The following NDE1 variants were observed in gnomAD, a reference collection of about 807,000 sequenced individuals.
The protein encoded by NDE1 is nuclear distribution protein nudE homolog 1.
Under a neutral mutation model 43.4 loss-of-function variants are expected in NDE1, and 28 were observed. The ratio of observed to expected loss-of-function variants is 0.65; its 90% CI spans 0.48 to 0.89. The LOEUF (loss-of-function observed/expected upper bound fraction) is 0.89. NDE1 is among the 40% of genes least tolerant of loss of function. The pLI, the probability that NDE1 is intolerant of heterozygous loss-of-function variation, is 0.00. For missense variants in NDE1, 441 were observed against 434.1 expected (o/e 1.02, Z -0.14); for synonymous variants, 184 against 172.0 (o/e 1.07, Z -0.55).
At chr16:15,712,897 A>ATTTTTTTTTTTTTTTTT (rs2039897795) in intron 8 of NDE1, 1 of 43,816 alleles carries the variant, frequency 2.3e-5, no homozygotes, top group Non-Finnish European at 3.9e-5. Context: ...TTTTTTTTTG[A>ATTTTTTTTTTTTTTTTT]GACCGAGTCT....
chr16:15,720,973 C>T lies in NDE1; in HGVS notation c.948-3218C>T, dbSNP rs2151208733. 1.2e-6 allele frequency: 2 copies of T among 1,614,126 alleles called. No homozygotes were observed. Among genetic ancestry groups the T allele is most frequent in the South Asian group, 1.1e-5 (1 of 91,076 alleles). ...GCGTCCTCCGTGGCTTGCAGCTCGTCCTCCAGCTCTTCCAGCTGCGTCTTC... is the reference window on the plus strand; with the variant it reads ...GCGTCCTCCGTGGCTTGCAGCTCGTTCTCCAGCTCTTCCAGCTGCGTCTTC... On this transcript the variant is annotated intron_variant, in intron 8 of 8. Coordinates refer to ENST00000396354, the MANE Select transcript of NDE1 (RefSeq NM_017668.3).
At chr16:15,712,328 G>A (rs2039848885) in intron 8 of NDE1, among the ~76,000 whole-genome samples, 1 of 152,106 alleles carries the variant, frequency 6.6e-6, no homozygotes, top group Non-Finnish European at 1.5e-5. Context: ...AAGATTAGTT[G>A]AGACCTCTCA....
chr16:15,672,843 C>A (rs1280590411), intron 3 of NDE1: 5 of 152,182 alleles, frequency 3.3e-5, no homozygotes, highest in Admixed American at 1.3e-4. Context: ...GAGAGCCACG[C>A]CTGGGAACAG....
intron 3 of NDE1, among the ~76,000 whole-genome samples, chr16:15,676,112 T>C (rs973180318): frequency 6.6e-6 from 1 of 151,622 alleles, no homozygotes; most frequent in African/African-American, 2.4e-5. Context: ...TTTCCTTCCC[T>C]CTCCCTCCCT....
At chr16:15,681,392 GTGTC>G (rs957018146) in intron 4 of NDE1, among the ~76,000 whole-genome samples, 2 of 148,464 alleles carry the variant, frequency 1.3e-5, no homozygotes, top group African/African-American at 5.0e-5. Flanking sequence ...AGCCTCCTGA[GTGTC>G]TGGGACTATA....
chr16:15,667,640 T>G (rs1213601099), intron 3 of NDE1, among the ~76,000 whole-genome samples: 1 of 147,874 alleles, frequency 6.8e-6, no homozygotes, highest in Non-Finnish European at 1.5e-5. Flanking sequence ...TTGTTTTTTT[T>G]TTTTTTTTGA....
chr16:15,707,123 C>T (rs1041967866), intron 8 of NDE1, among the ~76,000 whole-genome samples: 2 of 152,160 alleles, frequency 1.3e-5, no homozygotes, highest in African/African-American at 2.4e-5. Context: ...ACTGCAGCCT[C>T]TGCCTCCCAG....
At chr16:15,724,143 A>T (rs756133234) in intron 8 of NDE1, 48 bp from the exon 9 acceptor site, 1 of 1,612,286 alleles carries the variant, frequency 6.2e-7, no homozygotes, top group Non-Finnish European at 8.5e-7. Flanking sequence ...AGAGTGGGGG[A>T]CACCCCACGC....
At chr16:15,713,967 G>C (rs563762640) in intron 8 of NDE1, 2 of 152,520 alleles carry the variant, frequency 1.3e-5, no homozygotes, top group South Asian at 4.1e-4. Context: ...GGTGGCACCA[G>C]GCAGACAATG....
chr16:15,717,977 C>T (rs2040254723), intron 8 of NDE1: 1 of 410,294 alleles, frequency 2.4e-6, no homozygotes, highest in Non-Finnish European at 4.6e-6. Flanking sequence ...GTGACATCAC[C>T]AAGGGCTCAC....
intron 6 of NDE1, among the ~76,000 whole-genome samples, chr16:15,693,054 G>T (rs2038831263): frequency 1.3e-5 from 2 of 149,996 alleles, no homozygotes; most frequent in South Asian, 4.2e-4. Context: ...AGGCTGGAGT[G>T]CAGCGGCATT....
chr16:15,718,448 G>C lies in NDE1; in HGVS notation c.948-5743G>C, dbSNP rs757411784. On this transcript the variant is annotated intron_variant, in intron 8 of 8. Transcript: ENST00000396354. Reference sequence around the variant, plus strand: ...GTCCTGGAGTGCGTTCCTGGGGGAAGGGCGGCCATGGTGGGGGCCTCTACC... The same window carrying C: ...GTCCTGGAGTGCGTTCCTGGGGGAACGGCGGCCATGGTGGGGGCCTCTACC... 2.6e-6 allele frequency: 4 copies of C among 1,550,490 alleles called. No homozygotes were observed. Among genetic ancestry groups the C allele is most frequent in the Non-Finnish European group, 3.5e-6 (4 of 1,151,226 alleles).
At chr16:15,718,988 C>T (rs2040320669) in intron 8 of NDE1, 8 of 551,728 alleles carry the variant, frequency 1.4e-5, no homozygotes, top group Non-Finnish European at 2.6e-5. Flanking sequence ...ATTAGCCAGG[C>T]ATGGTGGTAC....
intron 8 of NDE1, chr16:15,701,346 C>CA (rs1406022136): frequency 6.6e-6 from 1 of 152,032 alleles, no homozygotes; most frequent in African/African-American, 2.4e-5. Context: ...TTTTCCAGAC[C>CA]AACCAGCGTC....
At chr16:15,709,031 G>A (rs916535182) in intron 8 of NDE1, among the ~76,000 whole-genome samples, 1 of 151,840 alleles carries the variant, frequency 6.6e-6, no homozygotes, top group Non-Finnish European at 1.5e-5. Context: ...CAACCTCTAC[G>A]TCCTGGATTC....
upstream of NDE1, among the ~76,000 whole-genome samples, chr16:15,646,948 G>A (rs1243406820): frequency 6.6e-6 from 1 of 150,392 alleles, no homozygotes; most frequent in Non-Finnish European, 1.5e-5. Flanking sequence ...TAGTCGAAAG[G>A]CTGAGGCAGG....
At position 15,715,266 on chromosome 16, in the gene NDE1, T is replaced by C. The variant is rs111697558; in HGVS notation, c.948-8925T>C. ...GCTTCAGCGACTTGGTGGCCGCCTGTTTCTCTCTGCAAACAGCAAGGAAAA... is the reference window on the plus strand; with the variant it reads ...GCTTCAGCGACTTGGTGGCCGCCTGCTTCTCTCTGCAAACAGCAAGGAAAA... On this transcript the variant is annotated intron_variant, in intron 8 of 8. Transcript: ENST00000396354. 8 of 1,613,946 alleles carry C rather than the reference T, an allele frequency of 5.0e-6. No homozygotes were observed. The Admixed American group carries it at 6.7e-5, about 13-fold the overall frequency.
chr16:15,674,456 C>T (rs1194529795), intron 3 of NDE1, among the ~76,000 whole-genome samples: 1 of 151,882 alleles, frequency 6.6e-6, no homozygotes, highest in Non-Finnish European at 1.5e-5. Flanking sequence ...ACCATGTTGT[C>T]CAGGCTGGTC....
intron 8 of NDE1, among the ~76,000 whole-genome samples, chr16:15,709,902 G>A (rs1200449814): frequency 6.6e-6 from 1 of 152,158 alleles, no homozygotes; most frequent in Non-Finnish European, 1.5e-5. Flanking sequence ...AGTGTAGCCA[G>A]TGGTAGGTAA....
Sources: gnomAD v4.1 joint callset for allele counts (sites outside exome capture counted in the v4.1 genomes callset) on GRCh38, gnomAD v4.1.1 for gene constraint, MANE v1.5 for transcripts, NCBI Gene and HGNC (gene_info 2026-07-23, HGNC 2026-07-21) for gene names.